POLR3C: variants seen among roughly 807,000 people sequenced by gnomAD.
The protein encoded by POLR3C is RNA polymerase III subunit C, also known as DNA-directed RNA polymerase III subunit RPC3.
POLR3C carries 44 observed loss-of-function variants against 65.9 expected under a neutral mutation model. The ratio of observed to expected loss-of-function variants is 0.67; its 90% CI spans 0.52 to 0.86. The LOEUF (loss-of-function observed/expected upper bound fraction) is 0.86. Ranked by LOEUF, POLR3C falls within the 40% of genes least tolerant of loss-of-function variation. The pLI is 0.00. For missense variants in POLR3C, 576 were observed against 653.2 expected (o/e 0.88, Z 1.29); for synonymous variants, 263 against 231.6 (o/e 1.14, Z -1.23).
intron 11 of POLR3C, among the ~76,000 whole-genome samples, chr1:145,839,161 C>T (rs1652090651): frequency 6.6e-6 from 1 of 152,124 alleles, no homozygotes; most frequent in Admixed American, 6.5e-5. Context: ...ATCCCAGCTA[C>T]TCAGGAGGCT....
At position 145,833,203 on chromosome 1, in the gene POLR3C, C is replaced by T; in HGVS notation, c.679-57C>T. 5.2e-6 allele frequency: 5 copies of T among 956,708 alleles called. No homozygotes were observed. The South Asian group carries it at 6.0e-5, about 12-fold the overall frequency. 59.3% of individuals were successfully genotyped at this position (956,708 alleles called of 1,614,324 possible). A position where few individuals can be genotyped will look rare whatever the true frequency, so the allele number is the denominator to read the frequency against. ...GAAATGGTGAACCATTAAATCCAAG[C>T]TCCTCACCAGAAAACTTTACACTAT... On this transcript the variant is annotated intron_variant, in intron 5 of 14. Coordinates refer to ENST00000334163, the MANE Select transcript of POLR3C (RefSeq NM_006468.8).
intron 1 of POLR3C, 54 bp from the exon 2 acceptor site, chr1:145,825,703 C>A: frequency 8.6e-7 from 1 of 1,164,500 alleles, no homozygotes. Context: ...CTCAGCAGCT[C>A]TGCTTCCAGC....
At chr1:145,827,673 A>G (rs12145234) in intron 4 of POLR3C, among the ~76,000 whole-genome samples, 128,627 of 151,350 alleles carry the variant, frequency 0.85, 55,036 homozygotes, top group African/African-American at 0.95. Flanking sequence ...GCAGGAAAAT[A>G]GCATGAACCC....
chr1:145,828,704 CATCAT>C (rs1651002443), intron 4 of POLR3C, 40 bp from the exon 5 acceptor site: 1 of 1,280,128 alleles, frequency 7.8e-7, no homozygotes, highest in Non-Finnish European at 1.1e-6. Flanking sequence ...CATTTCCTGT[CATCAT>C]ATGAGATATA....
Position 145,844,212 on chromosome 1 carries a change from T to C in POLR3C, c.*1792T>C, listed in dbSNP as rs1652494697. ...CAATGTATCAAAAAGATACCTGCACTCCCATGTTTATTGCAGCAGTATTCA... is the reference window on the plus strand; with the variant it reads ...CAATGTATCAAAAAGATACCTGCACCCCCATGTTTATTGCAGCAGTATTCA... On this transcript the variant is annotated 3_prime_UTR_variant, in exon 15 of 15. Coordinates refer to ENST00000334163, the MANE Select transcript of POLR3C (RefSeq NM_006468.8). Among the ~76,000 whole-genome samples the C allele has an allele frequency of 6.6e-6, 1 of 152,148 alleles. No homozygotes were observed. Among genetic ancestry groups the C allele is most frequent in the Non-Finnish European group, 1.5e-5 (1 of 68,026 alleles).
chr1:145,840,226 T>C, intron 13 of POLR3C, 61 bp downstream of exon 13: 3 of 1,090,368 alleles, frequency 2.8e-6, no homozygotes. Context: ...TCAGGGGAAA[T>C]TTCCTCTAGA....
In POLR3C at chr1:145,826,896, C is replaced by T; in HGVS notation, c.480C>T (p.Cys160=). ...RLADTHFVQR[C]PSVPTTENSD... is the part of the protein sequence containing the mutation. ...CAGACACACACTTTGTACAACGCTG[C>T]CCTTCGGTACCTACCACTGAGAATT... The change falls in exon 4 of 15, where the codon TGC becomes TGT. Residue 160 remains cysteine, a synonymous_variant. Coordinates refer to ENST00000334163, the MANE Select transcript of POLR3C (RefSeq NM_006468.8). 6.2e-7 allele frequency: 1 copy of T among 1,613,158 alleles called. No individual in the cohort carries two copies. Among genetic ancestry groups the T allele is most frequent in the African/African-American group, 1.3e-5 (1 of 74,978 alleles).
At position 145,839,905 on chromosome 1, in the gene POLR3C, C is replaced by G; in HGVS notation, c.1237C>G (p.Pro413Ala). The change falls in exon 12 of 15, where the codon CCA becomes GCA. Residue 413 changes from proline (P) to alanine (A), a missense_variant. Physicochemically the swap from Pro to Ala is conservative, Grantham distance 27. Coordinates refer to ENST00000334163, the MANE Select transcript of POLR3C (RefSeq NM_006468.8). Reference sequence around the variant, plus strand: ...GGACAAATAGGAAATTCCCAAAACACCAGACCATGCCCCATCCAGGACCTT... The same window carrying G: ...GGACAAATAGGAAATTCCCAAAACAGCAGACCATGCCCCATCCAGGACCTT... ...FMSLQEIPKT[P>A]DHAPSRTFYL... is the part of the protein sequence containing the mutation. 1.2e-6 allele frequency: 2 copies of G among 1,600,020 alleles called. No homozygotes were observed. The highest frequency in any genetic ancestry group is 1.7e-6 in the Non-Finnish European group (2 of 1,167,294).
Position 145,826,937 on chromosome 1 carries a change from C to T in POLR3C, c.521C>T (p.Pro174Leu). The change falls in exon 4 of 15, where the codon CCA (proline) becomes CTA (leucine). Residue 174 changes from proline to leucine, a missense_variant. Coordinates refer to ENST00000334163, the MANE Select transcript of POLR3C (RefSeq NM_006468.8). ...ACTGAGAATTCAGACCCTGGGCCAC[C>T]ACCACCTGCCCCCACACTTGTCATT... is the stretch of plus-strand genomic sequence containing the variant. ...PTTENSDPGP[P>L]PPAPTLVINE... The T allele has an allele frequency of 1.2e-6, 2 of 1,613,454 alleles. No homozygotes were observed. Among genetic ancestry groups the T allele is most frequent in the South Asian group, 1.1e-5 (1 of 90,968 alleles).
rs781876816 is a variant in POLR3C at position 145,838,181 on chromosome 1, T to C, written c.1196T>C (p.Leu399Pro). The change falls in exon 11 of 15, where the codon CTC becomes CCC. Residue 399 changes from leucine to proline, a missense_variant. Coordinates refer to ENST00000334163, the MANE Select transcript of POLR3C (RefSeq NM_006468.8). ...GCAAAGGATATGCTATATAAGATGC[T>C]CTCAGAAAATTTCATGTCACTCCAG... Reference protein sequence around the residue: ...KEAKDMLYKMLSENFMSLQEI... With the variant: ...KEAKDMLYKMPSENFMSLQEI... 3.7e-6 allele frequency: 6 copies of C among 1,613,584 alleles called. No homozygotes were observed. The highest frequency in any genetic ancestry group is 1.1e-5 in the South Asian group (1 of 91,056).
In POLR3C at chr1:145,826,935, A is replaced by G. The variant is rs1553725988; in HGVS notation, c.519A>G (p.Pro173=). ...VPTTENSDPG[P]PPPAPTLVIN... ...CCACTGAGAATTCAGACCCTGGGCC[A>G]CCACCACCTGCCCCCACACTTGTCA... Residue 173 remains proline, a synonymous_variant, in exon 4 of 15, where the codon CCA becomes CCG. Coordinates refer to ENST00000334163, the MANE Select transcript of POLR3C (RefSeq NM_006468.8). The G allele has an allele frequency of 6.2e-7, 1 of 1,613,476 alleles. No individual in the cohort carries two copies. Among genetic ancestry groups the G allele is most frequent in the Non-Finnish European group, 8.5e-7 (1 of 1,179,806 alleles).
rs1650803195 is a variant in POLR3C, at chr1:145,826,903, GTACC to G, written c.492_495del (p.Thr165LeufsTer30). 6.2e-7 allele frequency: 1 copy of G among 1,613,176 alleles called. No individual in the cohort carries two copies. The highest frequency in any genetic ancestry group is 1.3e-5 in the African/African-American group (1 of 74,836). Reference sequence around the variant, plus strand: ...ACACTTTGTACAACGCTGCCCTTCGGTACCTACCACTGAGAATTCAGACCCTGGG... The same window carrying G: ...ACACTTTGTACAACGCTGCCCTTCGGTACCACTGAGAATTCAGACCCTGGG... On this transcript the variant is annotated frameshift_variant, in exon 4 of 15. Transcript: ENST00000334163. LOFTEE classifies it high-confidence loss of function.
At chr1:145,837,940 A>T in intron 10 of POLR3C, 116 bp from the exon 11 acceptor site, 1 of 897,334 alleles carries the variant, frequency 1.1e-6, no homozygotes, top group Non-Finnish European at 1.7e-6. Flanking sequence ...TTTTCTGATC[A>T]CTGTTCCTGT....
At chr1:145,838,294 A>C (rs1429354655) in intron 11 of POLR3C, 88 bp downstream of exon 11, 2 of 973,776 alleles carry the variant, frequency 2.1e-6, no homozygotes. Flanking sequence ...TGAACCCCCA[A>C]GCAAACTCTA....
Position 145,826,972 on chromosome 1 carries a change from G to C in POLR3C, c.556G>C (p.Asp186His), listed in dbSNP as rs1553725995. ...PAPTLVINEK[D>H]MYLVPKLSLI... ...CCCCACACTTGTCATTAATGAAAAG[G>C]ACATGTACCTGGTTCCTAAACTCAG... Residue 186 changes from aspartate to histidine, a missense_variant, in exon 4 of 15, where the codon GAC becomes CAC. Physicochemically the swap from Asp to His is moderately conservative, Grantham distance 81. Coordinates refer to ENST00000334163, the MANE Select transcript of POLR3C (RefSeq NM_006468.8). The C allele has an allele frequency of 1.2e-6, 2 of 1,612,014 alleles. No homozygotes were observed. Among genetic ancestry groups the C allele is most frequent in the Non-Finnish European group, 1.7e-6 (2 of 1,179,558 alleles).
chr1:145,843,813 A>G lies in POLR3C; in HGVS notation c.*1393A>G, dbSNP rs1259188140. The stretch of plus-strand genomic sequence containing the variant: ...CAAGGGATTCGTAACCAGAATATAT[A>G]AGGAGCTCAAACAATAGCAAAAAGA... On this transcript the variant is annotated 3_prime_UTR_variant, in exon 15 of 15. Transcript: ENST00000334163. Among the ~76,000 whole-genome samples the G allele has an allele frequency of 6.6e-6, 1 of 152,196 alleles. No homozygotes were observed. The highest frequency in any genetic ancestry group is 1.5e-5 in the Non-Finnish European group (1 of 68,032).
At chr1:145,830,224 C>G (rs1553726808) in intron 5 of POLR3C, among the ~76,000 whole-genome samples, 1 of 150,224 alleles carries the variant, frequency 6.7e-6, no homozygotes, top group Non-Finnish European at 1.5e-5. Flanking sequence ...AAGCACTACT[C>G]TAAGAAATGG....
intron 5 of POLR3C, 94 bp from the exon 6 acceptor site, chr1:145,833,164 ACT>A: frequency 1.4e-6 from 1 of 708,938 alleles, no homozygotes; most frequent in South Asian, 1.8e-5. Flanking sequence ...TGTAATTGTT[ACT>A]GTGTAGGAAA....
chr1:145,841,045 A>G lies in POLR3C; in HGVS notation c.1497A>G (p.Leu499=), dbSNP rs1030004863. ...TCACAGCTCCTGAACGTCAGCAGCT[A>G]GAGACCCTGAAACGTAATGTCAACA... ...EMITAPERQQ[L]ETLKRNVNKL... The change falls in exon 14 of 15, where the codon CTA becomes CTG. Residue 499 remains leucine, a synonymous_variant. Transcript: ENST00000334163. 15 of 1,613,436 alleles carry G rather than the reference A, an allele frequency of 9.3e-6. No individual in the cohort carries two copies. The highest frequency in any genetic ancestry group is 1.0e-5 in the Non-Finnish European group (12 of 1,179,442).
Sources: allele counts gnomAD v4.1 joint callset (sites outside exome capture counted in the v4.1 genomes callset), GRCh38; gene constraint gnomAD v4.1.1; transcripts MANE v1.5; gene names NCBI Gene and HGNC (gene_info 2026-07-23, HGNC 2026-07-21).